Variants in MAP3K13 observed in about 807,000 individuals in gnomAD.
The protein encoded by MAP3K13 is mitogen-activated protein kinase kinase kinase 13, also known as leucine zipper-bearing kinase.
A neutral mutation model predicts 104.0 loss-of-function variants in MAP3K13; 52 were observed. The observed-to-expected ratio is 0.50, with a 90% CI of 0.40 to 0.63. The LOEUF is 0.63. MAP3K13 is among the 20% of genes least tolerant of loss of function. MAP3K13 has a pLI of 0.00. For synonymous variants in MAP3K13, 394 were observed against 442.2 expected (o/e 0.89, Z 1.37); for missense variants, 914 against 1,218.5 (o/e 0.75, Z 3.72).
chr3:185,369,507 G>C (rs1350555926), intron 1 of MAP3K13, among the ~76,000 whole-genome samples: 8 of 152,182 alleles, frequency 5.3e-5, no homozygotes, highest in Admixed American at 1.3e-4. Context: ...AAACTCGCAT[G>C]CTTCTCTATT....
intron 2 of MAP3K13, among the ~76,000 whole-genome samples, chr3:185,433,432 A>T (rs1023365405): frequency 3.3e-5 from 5 of 151,990 alleles, no homozygotes; most frequent in African/African-American, 1.2e-4. Flanking sequence ...GAGATTAGTT[A>T]TCTCACTCAT....
intron 2 of MAP3K13, among the ~76,000 whole-genome samples, chr3:185,307,288 T>C (rs1447146632): frequency 1.3e-5 from 2 of 152,102 alleles, no homozygotes; most frequent in Non-Finnish European, 2.9e-5. Context: ...TTTCTCTCTC[T>C]CTCTCCTTCT....
At chr3:185,316,734 A>C (rs1721687869) in intron 2 of MAP3K13, among the ~76,000 whole-genome samples, 1 of 152,224 alleles carries the variant, frequency 6.6e-6, no homozygotes, top group African/African-American at 2.4e-5. Flanking sequence ...TTGATTATCT[A>C]GTCTTTTCTC....
chr3:185,354,640 G>C (rs965094330), intron 2 of MAP3K13, among the ~76,000 whole-genome samples: 1 of 151,478 alleles, frequency 6.6e-6, no homozygotes, highest in Admixed American at 6.6e-5. Flanking sequence ...ATGTGTTGCT[G>C]TGTGTAGGAT....
At chr3:185,326,927 TTGAG>T (rs1186895186) in intron 2 of MAP3K13, among the ~76,000 whole-genome samples, 8 of 152,242 alleles carry the variant, frequency 5.3e-5, no homozygotes, top group African/African-American at 1.9e-4. Context: ...CTGTTCAGTC[TTGAG>T]TATTATATTT....
intron 2 of MAP3K13, among the ~76,000 whole-genome samples, chr3:185,433,417 A>T (rs1347763916): frequency 6.6e-6 from 1 of 152,220 alleles, no homozygotes; most frequent in East Asian, 1.9e-4. Flanking sequence ...GTTCTTCATT[A>T]TTATGAGATT....
At chr3:185,287,978 T>G (rs12330340) in intron 2 of MAP3K13, among the ~76,000 whole-genome samples, 121,140 of 152,120 alleles carry the variant, frequency 0.8, 48,499 homozygotes, top group Non-Finnish European at 0.84. Flanking sequence ...CAGAGGTTGC[T>G]GTGAGCCAAG....
At chr3:185,358,858 T>C (rs1205984103), upstream of MAP3K13, among the ~76,000 whole-genome samples, 5 of 152,164 alleles carry the variant, frequency 3.3e-5, no homozygotes, top group African/African-American at 1.2e-4. Flanking sequence ...TGTAGCTGCT[T>C]TTTAAAAACA....
intron 1 of MAP3K13, among the ~76,000 whole-genome samples, chr3:185,366,745 ATATCTAT>A (rs1039263844): frequency 2.7e-4 from 41 of 152,244 alleles, no homozygotes; most frequent in African/African-American, 8.9e-4. Context: ...CTTTGGAAAA[ATATCTAT>A]TTAGACACAT....
intron 2 of MAP3K13, among the ~76,000 whole-genome samples, chr3:185,318,245 C>CA (rs2108692079): frequency 1.3e-5 from 2 of 152,274 alleles, no homozygotes; most frequent in Non-Finnish European, 2.9e-5. Flanking sequence ...AGAGTACAGG[C>CA]AGGAAGGAAT....
At position 185,365,561 on chromosome 3, in the gene MAP3K13, A is replaced by G. The variant is rs866865240; in HGVS notation, c.-86+2193A>G. 7.2e-4 allele frequency among the ~76,000 whole-genome samples: 109 copies of G among 152,342 alleles called. No homozygotes were observed. In the Middle Eastern group the frequency reaches 0.01, roughly 14 times the overall value. ...CTGAATTAAGTGCTTGGAGAGCTCAAATAGTTCAAGATAGCCAAGATGACC... is the reference window on the plus strand; with the variant it reads ...CTGAATTAAGTGCTTGGAGAGCTCAGATAGTTCAAGATAGCCAAGATGACC... On this transcript the variant is annotated intron_variant, in intron 1 of 13. Transcript: ENST00000265026.
chr3:185,428,298 T>C (rs1714543648), intron 1 of MAP3K13, among the ~76,000 whole-genome samples, 199 bp from the exon 2 acceptor site: 2 of 152,192 alleles, frequency 1.3e-5, no homozygotes, highest in South Asian at 2.1e-4. Flanking sequence ...TTTATATTAA[T>C]GTGTCATGGA....
chr3:185,437,703 C>T, intron 3 of MAP3K13, 73 bp downstream of exon 3: 1 of 1,393,670 alleles, frequency 7.2e-7, no homozygotes, highest in Admixed American at 2.2e-5. Flanking sequence ...CAAGTTTCTG[C>T]TTTGAGAGAT....
rs148073114 is a variant in MAP3K13, at chr3:185,437,499, T to C, written c.528T>C (p.Ser176=). 61 of 1,613,774 alleles carry C rather than the reference T, an allele frequency of 3.8e-5. No homozygotes were observed. The highest frequency in any genetic ancestry group is 3.3e-4 in the East Asian group (15 of 44,884). ...EEISELQWLG[S]GAQGAVFLGK... ...TCTCAGAGCTGCAGTGGCTGGGTAG[T>C]GGAGCCCAAGGAGCGGTCTTCTTGG... Residue 176 remains serine (S), a synonymous_variant, in exon 3 of 14, where the codon AGT becomes AGC. Transcript: ENST00000265026.
chr3:185,302,683 C>G (rs546546040), intron 2 of MAP3K13, among the ~76,000 whole-genome samples: 1 of 152,110 alleles, frequency 6.6e-6, no homozygotes, highest in East Asian at 1.9e-4. Context: ...GTTTTGTATT[C>G]TGAATCATTG....
At chr3:185,309,420 G>A (rs530278480) in intron 2 of MAP3K13, among the ~76,000 whole-genome samples, 41 of 151,476 alleles carry the variant, frequency 2.7e-4, no homozygotes, top group African/African-American at 8.5e-4. Context: ...TGGGAGGTGC[G>A]AGGGTCGCTT....
At chr3:185,341,190 A>C (rs1284231534) in intron 2 of MAP3K13, among the ~76,000 whole-genome samples, 1 of 152,198 alleles carries the variant, frequency 6.6e-6, no homozygotes, top group East Asian at 1.9e-4. Context: ...AATTAGTTAC[A>C]TATGAGGTCA....
At chr3:185,287,881 C>CA (rs1418708901) in intron 2 of MAP3K13, among the ~76,000 whole-genome samples, 1 of 152,016 alleles carries the variant, frequency 6.6e-6, no homozygotes, top group Non-Finnish European at 1.5e-5. Flanking sequence ...ACTAAAAATA[C>CA]AAAAAATTAG....
chr3:185,329,268 C>T (rs1722159484), intron 2 of MAP3K13: 1 of 702,744 alleles, frequency 1.4e-6, no homozygotes, highest in Non-Finnish European at 2.6e-6. Context: ...GTACCTAGTG[C>T]CGAGAGATTG....
Sources: gnomAD v4.1 joint callset for allele counts (sites outside exome capture counted in the v4.1 genomes callset) on GRCh38, gnomAD v4.1.1 for gene constraint, MANE v1.5 for transcripts, NCBI Gene and HGNC (gene_info 2026-07-23, HGNC 2026-07-21) for gene names.